The following SPOP variants were observed in gnomAD, a reference collection of about 807,000 sequenced individuals.
SPOP encodes the protein speckle type BTB/POZ protein.
A neutral mutation model predicts 45.6 loss-of-function variants in SPOP; 11 were observed. The observed-to-expected ratio is 0.24, with a 90% CI of 0.15 to 0.40. SPOP has a LOEUF of 0.40. Ranked by LOEUF, SPOP falls within the 10% of genes least tolerant of loss-of-function variation. SPOP has a pLI of 1.00. For synonymous variants in SPOP, 166 were observed against 166.3 expected, an observed-to-expected ratio of 1.00 and a Z score of 0.01; for missense variants, 152 against 465.6, an observed-to-expected ratio of 0.33 and a Z score of 6.20.
chr17:49,616,121 C>T (rs972836337), intron 5 of SPOP, among the ~76,000 whole-genome samples: 1 of 152,162 alleles, frequency 6.6e-6, no homozygotes, highest in Non-Finnish European at 1.5e-5. Context: ...TGAAAGTGAA[C>T]TCAATGTAGG....
rs2071725481 is a variant in SPOP at position 49,600,794 on chromosome 17, A to G, written c.981-272T>C. 2 of 418,418 alleles carry G rather than the reference A, an allele frequency of 4.8e-6. No individual in the cohort carries two copies. The highest frequency in any genetic ancestry group is 2.0e-5 in the African/African-American group (1 of 50,066). 25.9% of individuals were successfully genotyped at this position (418,418 alleles called of 1,614,324 possible). ...GTTCCCCAGGCCCCCAACACTGCCT[A>G]TGTTCCTTATATTCACCGGTGATGC... is the stretch of plus-strand genomic sequence containing the variant. On this transcript the variant is annotated intron_variant, in intron 9 of 9. Transcript: ENST00000504102. This position sits in a 1 kb window ranked among gnomAD's most constrained non-coding sequence, Gnocchi z 4.2.
rs746238687 is a variant in SPOP at position 49,600,387 on chromosome 17, C to T, written c.1116G>A (p.Lys372=). The T allele has an allele frequency of 1.6e-5, 26 of 1,614,066 alleles. 2 individuals are homozygous for T. The South Asian group carries it at 2.9e-4, about 18-fold the overall frequency. The change falls in exon 10 of 10, where the codon AAG becomes AAA. Residue 372 remains lysine, a synonymous_variant. Transcript: ENST00000504102. This position sits in a 1 kb window ranked among gnomAD's most constrained non-coding sequence, Gnocchi z 4.2. Reference sequence around the variant, plus strand: ...TACAACAAGCAGGATCTTAGGATTGCTTCAGGCGTTTGCGTGGGGGTCCCA... The same window carrying T: ...TACAACAAGCAGGATCTTAGGATTGTTTCAGGCGTTTGCGTGGGGGTCCCA... ...PFLGPPRKRL[K]QS is the part of the protein sequence containing the mutation.
chr17:49,637,240 AC>A (rs2072558684), intron 1 of SPOP, among the ~76,000 whole-genome samples: 1 of 152,168 alleles, frequency 6.6e-6, no homozygotes, highest in Admixed American at 6.5e-5. Context: ...CTCAAAAAAA[AC>A]AAACAAAAAA....
chr17:49,610,582 G>A (rs981283231), intron 6 of SPOP, among the ~76,000 whole-genome samples: 5 of 152,210 alleles, frequency 3.3e-5, no homozygotes, highest in African/African-American at 1.2e-4. Context: ...TTTAGACTGA[G>A]GCAGTCTGAG....
At position 49,616,443 on chromosome 17, in the gene SPOP, G is replaced by A. The variant is rs186739279; in HGVS notation, c.480+2538C>T. 1.6e-3 allele frequency among the ~76,000 whole-genome samples: 245 copies of A among 152,168 alleles called. 1 individual carries two copies. The highest frequency in any genetic ancestry group is 5.2e-3 in the South Asian group (25 of 4,814). ...CTTCATAAAAGCCTCTAAACAATAT[G>A]AAAATACTAATCAAACCAATAACAA... On this transcript the variant is annotated intron_variant, in intron 5 of 9. Transcript: ENST00000504102.
At chr17:49,660,313 T>C (rs2072970358) in intron 1 of SPOP, among the ~76,000 whole-genome samples, 1 of 152,228 alleles carries the variant, frequency 6.6e-6, no homozygotes, top group Non-Finnish European at 1.5e-5. Flanking sequence ...AGTTCTCTCC[T>C]GCATCTTCTA....
intron 1 of SPOP, chr17:49,636,128 G>A (rs2072538876): frequency 6.6e-6 from 1 of 152,088 alleles, no homozygotes; most frequent in African/African-American, 2.4e-5. Context: ...CTCTTGAGTA[G>A]TTGGAACTGC....
intron 1 of SPOP, among the ~76,000 whole-genome samples, chr17:49,662,617 G>GCTC (rs1295350682): frequency 6.6e-6 from 1 of 152,024 alleles, no homozygotes; most frequent in Non-Finnish European, 1.5e-5. Flanking sequence ...AACCTGGGAG[G>GCTC]CGGAGGTTGC....
At chr17:49,627,500 T>G (rs942754028) in intron 1 of SPOP, among the ~76,000 whole-genome samples, 7 of 152,196 alleles carry the variant, frequency 4.6e-5, no homozygotes, top group Non-Finnish European at 1.0e-4. Flanking sequence ...TTTTATGCAT[T>G]AGTTAAGAAC....
chr17:49,626,632 G>A (rs891490739), intron 1 of SPOP, among the ~76,000 whole-genome samples: 18 of 152,074 alleles, frequency 1.2e-4, no homozygotes, highest in African/African-American at 3.9e-4. Context: ...AGGTGGAGGT[G>A]GAGGTTGCAG....
chr17:49,610,544 G>A (rs2071950391), intron 6 of SPOP, among the ~76,000 whole-genome samples: 1 of 152,190 alleles, frequency 6.6e-6, no homozygotes, highest in African/African-American at 2.4e-5. Flanking sequence ...CACAGTAACA[G>A]CCAGTTGTGA....
chr17:49,659,078 T>A (rs985511227), intron 1 of SPOP, among the ~76,000 whole-genome samples: 25 of 152,152 alleles, frequency 1.6e-4, no homozygotes, highest in African/African-American at 6.0e-4. Context: ...TTGAACACGG[T>A]CATCAAAGGA....
Position 49,619,170 on chromosome 17 carries a change from CT to C in SPOP, c.352+63del. 6.2e-7 allele frequency: 1 copy of C among 1,613,580 alleles called. No individual in the cohort carries two copies. On this transcript the variant is annotated intron_variant, in intron 4 of 9. Transcript: ENST00000504102. The surrounding 1 kb of genome is among the most constrained non-coding windows in gnomAD (Gnocchi z 4.9). Reference sequence around the variant, plus strand: ...CGCAAAAACCAGATCAAAGCCACAACTTGTCAGTGTATGAAACTTCTGGATG... The same window carrying C: ...CGCAAAAACCAGATCAAAGCCACAACTGTCAGTGTATGAAACTTCTGGATG...
chr17:49,611,296 G>A lies in SPOP; in HGVS notation c.642C>T (p.His214=), dbSNP rs1272864182. The A allele has an allele frequency of 1.2e-6, 2 of 1,614,080 alleles. No individual in the cohort carries two copies. Among genetic ancestry groups the A allele is most frequent in the South Asian group, 1.1e-5 (1 of 91,076 alleles). ...LCVAGQEFQA[H]KAILAARSPV... is the part of the protein sequence containing the mutation. ...AATACCAACCTGCTAAGATAGCCTT[G>A]TGAGCCTGGAATTCCTGGCCGGCAA... The change falls in exon 6 of 10, where the codon CAC becomes CAT. Residue 214 remains histidine, a synonymous_variant. Transcript: ENST00000504102.
At position 49,641,214 on chromosome 17, in the gene SPOP, G is replaced by C. The variant is rs2072641633; in HGVS notation, c.-66-18338C>G. On this transcript the variant is annotated intron_variant, in intron 1 of 9. Transcript: ENST00000504102. ...GGAGGTGGAGGTTGCAGTGAGCAGAGATTGCATTACTGCACTCCAGCCTGG... is the reference window on the plus strand; with the variant it reads ...GGAGGTGGAGGTTGCAGTGAGCAGACATTGCATTACTGCACTCCAGCCTGG... Among the ~76,000 whole-genome samples the C allele has an allele frequency of 2.6e-5, 3 of 116,308 alleles. No homozygotes were observed. The Admixed American group carries it at 3.8e-4, about 15-fold the overall frequency. 76.3% of individuals were successfully genotyped at this position (116,308 alleles called of 152,430 possible).
At chr17:49,675,391 C>T (rs1251041085) in intron 1 of SPOP, among the ~76,000 whole-genome samples, 4 of 151,836 alleles carry the variant, frequency 2.6e-5, no homozygotes, top group African/African-American at 9.7e-5. Context: ...TTGTGTAAAA[C>T]AAACAAAAAC....
At chr17:49,653,197 T>C (rs1000979177) in intron 1 of SPOP, among the ~76,000 whole-genome samples, 1 of 152,158 alleles carries the variant, frequency 6.6e-6, no homozygotes, top group African/African-American at 2.4e-5. Context: ...ACTGTTAAAA[T>C]TGTATCTACT....
At chr17:49,603,293 G>GT (rs1381633233) in intron 8 of SPOP, among the ~76,000 whole-genome samples, 1 of 152,194 alleles carries the variant, frequency 6.6e-6, no homozygotes, top group African/African-American at 2.4e-5. Context: ...TGAAGTTGCC[G>GT]TTTTTGTTTT....
chr17:49,644,483 G>C (rs1478272100), intron 1 of SPOP, among the ~76,000 whole-genome samples: 5 of 152,160 alleles, frequency 3.3e-5, no homozygotes, highest in Non-Finnish European at 7.4e-5. Context: ...AGATGATGAT[G>C]ATGAGGACAA....
Sources: gnomAD v4.1 joint callset for allele counts (sites outside exome capture counted in the v4.1 genomes callset) on GRCh38, gnomAD v4.1.1 for gene constraint, Gnocchi (gnomAD v3.1) non-coding constraint, MANE v1.5 for transcripts, NCBI Gene and HGNC (gene_info 2026-07-23, HGNC 2026-07-21) for gene names.